Variants in AKNA observed in about 807,000 individuals in gnomAD.
AKNA encodes microtubule organization protein AKNA.
Under a neutral mutation model 138.8 loss-of-function variants are expected in AKNA, and 67 were observed. That is an observed-to-expected ratio of 0.48 (90% CI 0.40 to 0.59). The LOEUF (loss-of-function observed/expected upper bound fraction) is 0.59, where lower values mean the gene tolerates loss of function less well. Among genes scored for constraint, AKNA ranks in the 20% least tolerant of loss-of-function variants. AKNA has a pLI of 0.00. For missense variants in AKNA, 1,813 were observed against 1,880.4 expected, an observed-to-expected ratio of 0.96 and a Z score of 0.66; for synonymous variants, 737 against 754.4, an observed-to-expected ratio of 0.98 and a Z score of 0.38.
Position 114,342,094 on chromosome 9 carries a change from C to T in AKNA, c.3789G>A (p.Pro1263=), listed in dbSNP as rs575024298. ...GACACTGAAGGGTATCAGCGGGAGG[C>T]GGTCCCAGTGGGTCCCCTGTGACAG... ...GGAVTGDPLG[P]PPADTLQCPL... The change falls in exon 20 of 22, where the codon CCG becomes CCA. Residue 1263 remains proline, a synonymous_variant. Coordinates refer to ENST00000374088, the MANE Select transcript of AKNA (RefSeq NM_001317950.2). 2.3e-5 allele frequency: 37 copies of T among 1,608,532 alleles called. No individual in the cohort carries two copies. Among genetic ancestry groups the T allele is most frequent in the East Asian group, 6.7e-5 (3 of 44,826 alleles).
intron 11 of AKNA, 104 bp downstream of exon 11, chr9:114,359,490 C>T (rs1035435074): frequency 1.1e-5 from 17 of 1,589,054 alleles, no homozygotes; most frequent in East Asian, 2.2e-5. Flanking sequence ...GACAGGTAAG[C>T]CATGTCTAAA....
At chr9:114,341,402 G>GCCTT (rs1830332501) in intron 21 of AKNA, 131 bp downstream of exon 21, 1 of 1,150,336 alleles carries the variant, frequency 8.7e-7, no homozygotes, top group Admixed American at 2.3e-5. Flanking sequence ...GGCTCCTACT[G>GCCTT]CATGTTATCC....
chr9:114,362,118 T>C (rs1033121519), intron 8 of AKNA, among the ~76,000 whole-genome samples: 4 of 152,178 alleles, frequency 2.6e-5, no homozygotes, highest in African/African-American at 9.7e-5. Flanking sequence ...AAGTCCCCTC[T>C]GCCATCCACA....
intron 15 of AKNA, chr9:114,349,057 T>C (rs1830914846): frequency 2.3e-6 from 1 of 434,866 alleles, no homozygotes; most frequent in Non-Finnish European, 4.7e-6. Flanking sequence ...AGGGAGACGC[T>C]TGCTGGTGTT....
downstream of AKNA, chr9:114,332,029 C>T: frequency 1.0e-6 from 1 of 965,288 alleles, no homozygotes; most frequent in East Asian, 2.5e-5. Flanking sequence ...GGCTGCACAG[C>T]TAGGCAGATC....
At chr9:114,353,217 AAGG>A (rs1418960104) in intron 14 of AKNA, among the ~76,000 whole-genome samples, 1 of 152,156 alleles carries the variant, frequency 6.6e-6, no homozygotes, top group African/African-American at 2.4e-5. Context: ...TTAGTGAAAA[AAGG>A]AGGTCGCCAA....
At chr9:114,333,979 G>A (rs1293071265), downstream of AKNA, among the ~76,000 whole-genome samples, 2 of 127,494 alleles carry the variant, frequency 1.6e-5, no homozygotes, top group Non-Finnish European at 3.3e-5. Flanking sequence ...TTCTCACAAG[G>A]TCTCATTGTT....
chr9:114,368,473 G>C lies in AKNA; in HGVS notation c.1539C>G (p.Gly513=), dbSNP rs777099735. The C allele has an allele frequency of 7.5e-7, 1 of 1,336,172 alleles. No homozygotes were observed. The highest frequency in any genetic ancestry group is 2.8e-5 in the East Asian group (1 of 35,818). The allele number at this position is 1,336,172 out of a possible 1,614,324, so 82.8% of individuals were successfully genotyped here. Residue 513 remains glycine (G), a synonymous_variant, in exon 5 of 22, where the codon GGC becomes GGG. Coordinates refer to ENST00000374088, the MANE Select transcript of AKNA (RefSeq NM_001317950.2). ...PQPRSAEWWP[G]PAEDPQASAA... Reference sequence around the variant, plus strand: ...CAGAGGCCTGGGGGTCCTCGGCCGGGCCCGGCCACCACTCTGCAGAGCGGG... The same window carrying C: ...CAGAGGCCTGGGGGTCCTCGGCCGGCCCCGGCCACCACTCTGCAGAGCGGG...
rs1376419152 is a variant in AKNA, at chr9:114,343,707, C to T, written c.3757+1G>A. ...CCAGTTTTCCAGGTGCCATTCCTTACCCGCATCCTGGGTCCTAATGGGCCG... is the reference window on the plus strand; with the variant it reads ...CCAGTTTTCCAGGTGCCATTCCTTATCCGCATCCTGGGTCCTAATGGGCCG... On this transcript the variant is annotated splice_donor_variant, in intron 19 of 21. Coordinates refer to ENST00000374088, the MANE Select transcript of AKNA (RefSeq NM_001317950.2). LOFTEE classifies it high-confidence loss of function. 1.2e-6 allele frequency: 2 copies of T among 1,614,204 alleles called. No individual in the cohort carries two copies. Among genetic ancestry groups the T allele is most frequent in the South Asian group, 1.1e-5 (1 of 91,084 alleles).
At chr9:114,367,322 G>C (rs1247578555) in intron 6 of AKNA, among the ~76,000 whole-genome samples, 1 of 152,080 alleles carries the variant, frequency 6.6e-6, no homozygotes, top group African/African-American at 2.4e-5. Context: ...TTGCCAAAAA[G>C]GGGGGTGAGA....
At chr9:114,372,964 C>CAGG (rs1554842042) in intron 4 of AKNA, among the ~76,000 whole-genome samples, 1 of 26,122 alleles carries the variant, frequency 3.8e-5, no homozygotes. Flanking sequence ...GGGGACGCAG[C>CAGG]GGGGGGGGGG....
At chr9:114,337,357 A>G in intron 21 of AKNA, 51 bp from the exon 22 acceptor site, 1 of 1,383,472 alleles carries the variant, frequency 7.2e-7, no homozygotes, top group Middle Eastern at 2.2e-4. Context: ...GCTGGGGACA[A>G]GCCGAGGAGC....
upstream of AKNA, chr9:114,396,733 G>C (rs751533984): frequency 2.0e-5 from 3 of 151,754 alleles, no homozygotes; most frequent in Non-Finnish European, 4.4e-5. Context: ...ACCTCATTTT[G>C]TGGAAGGGAA....
intron 1 of AKNA, among the ~76,000 whole-genome samples, chr9:114,384,711 A>G (rs1012277386): frequency 3.9e-5 from 6 of 152,208 alleles, no homozygotes; most frequent in Non-Finnish European, 7.3e-5. Context: ...AAGACAGAAA[A>G]TATGCATTAA....
intron 18 of AKNA, chr9:114,345,288 C>G (rs549136627): frequency 6.6e-6 from 1 of 152,194 alleles, no homozygotes; most frequent in East Asian, 1.9e-4. Flanking sequence ...TCACATTGGC[C>G]AGGCTGGTCT....
intron 17 of AKNA, 37 bp from the exon 18 acceptor site, chr9:114,346,046 G>C (rs746355897): frequency 6.2e-7 from 1 of 1,602,124 alleles, no homozygotes; most frequent in East Asian, 2.2e-5. Context: ...AGGGGGCAAG[G>C]GGTGGGGGTC....
At chr9:114,357,728 C>T (rs751887847) in intron 12 of AKNA, among the ~76,000 whole-genome samples, 193 bp downstream of exon 12, 2 of 152,116 alleles carry the variant, frequency 1.3e-5, no homozygotes, top group Non-Finnish European at 2.9e-5. Context: ...ACAAGAGCTC[C>T]GGAAGAGGGA....
At chr9:114,397,726 G>T (rs914323182), upstream of AKNA, among the ~76,000 whole-genome samples, 4 of 152,144 alleles carry the variant, frequency 2.6e-5, no homozygotes, top group African/African-American at 7.2e-5. Context: ...TGGGCCAGTC[G>T]CGCCCCCTCT....
At position 114,362,413 on chromosome 9, in the gene AKNA, G is replaced by A. The variant is rs775958227; in HGVS notation, c.1909C>T (p.Pro637Ser). ...GSKGTPGRFD[P>S]RRELEAEIYR... ...TTCCACCCCAGCAGGTACCTGCGAGGATCAAATCTTCCAGGCGTCCCCTTG... is the reference window on the plus strand; with the variant it reads ...TTCCACCCCAGCAGGTACCTGCGAGAATCAAATCTTCCAGGCGTCCCCTTG... The change falls in exon 8 of 22, where the codon CCT becomes TCT. Residue 637 changes from proline (P) to serine (S), a missense_variant. Pro to Ser is a moderately conservative substitution (Grantham distance 74, BLOSUM62 -1). Transcript: ENST00000374088. The A allele has an allele frequency of 1.2e-6, 2 of 1,611,266 alleles. No homozygotes were observed. The highest frequency in any genetic ancestry group is 1.7e-6 in the Non-Finnish European group (2 of 1,178,728).
Sources: allele counts gnomAD v4.1 joint callset (sites outside exome capture counted in the v4.1 genomes callset), GRCh38; gene constraint gnomAD v4.1.1; transcripts MANE v1.5; gene names NCBI Gene and HGNC (gene_info 2026-07-23, HGNC 2026-07-21).